FRMD6: variants seen among roughly 807,000 people sequenced by gnomAD.
The protein encoded by FRMD6 is FERM domain-containing protein 6.
In FRMD6, 37 loss-of-function variants were observed where a neutral mutation model predicts 73.2. The ratio of observed to expected loss-of-function variants is 0.51; its 90% confidence interval spans 0.39 to 0.66. FRMD6 has a LOEUF of 0.66. Ranked by LOEUF, FRMD6 falls within the 30% of genes least tolerant of loss-of-function variation. The pLI is 0.00. For missense variants in FRMD6, 714 were observed against 780.5 expected (o/e 0.91, Z 1.02); for synonymous variants, 273 against 282.2 (o/e 0.97, Z 0.33).
At chr14:51,636,744 C>T (rs1301864071) in intron 2 of FRMD6, among the ~76,000 whole-genome samples, 1 of 152,082 alleles carries the variant, frequency 6.6e-6, no homozygotes, top group Non-Finnish European at 1.5e-5. Context: ...CTTGTTTCCC[C>T]GGGGCCACGG....
At chr14:51,551,719 A>C (rs1418070692) in intron 1 of FRMD6, among the ~76,000 whole-genome samples, 1 of 152,158 alleles carries the variant, frequency 6.6e-6, no homozygotes, top group Non-Finnish European at 1.5e-5. Flanking sequence ...CCTGGGTGAC[A>C]AAATGAGACC....
chr14:51,456,487 T>G, the FRMD6 span, among the ~76,000 whole-genome samples: 285 of 152,256 alleles, frequency 1.9e-3, no homozygotes, highest in African/African-American at 6.3e-3. Context: ...GAACTCATCC[T>G]TTTTTTACAG....
intron 1 of FRMD6, among the ~76,000 whole-genome samples, chr14:51,490,478 T>C (rs765712303): frequency 6.6e-6 from 1 of 152,180 alleles, no homozygotes; most frequent in Non-Finnish European, 1.5e-5. Flanking sequence ...CATTTAAAAA[T>C]GCATCTCTGT....
intron 2 of FRMD6, among the ~76,000 whole-genome samples, chr14:51,597,234 A>G (rs148273099): frequency 1.2e-3 from 183 of 152,350 alleles, no homozygotes; most frequent in Non-Finnish European, 1.0e-3. Context: ...TGTTTAAAAA[A>G]ATGAAATATA....
chr14:51,509,710 T>C lies in FRMD6; in HGVS notation c.-210+20290T>C, dbSNP rs371099945. ...GGTGCGATCTCGGCTCACTACAACC[T>C]CCGCCTCCTGGGTTCAAGCGATTCT... On this transcript the variant is annotated intron_variant, in intron 1 of 14. Transcript: ENST00000356218. Among the ~76,000 whole-genome samples the C allele has an allele frequency of 1.3e-3, 195 of 151,860 alleles. 9 individuals are homozygous for C. The South Asian group carries it at 0.039, about 30-fold the overall frequency.
intron 2 of FRMD6, among the ~76,000 whole-genome samples, chr14:51,611,303 A>G (rs910394007): frequency 6.6e-6 from 1 of 152,220 alleles, no homozygotes; most frequent in Non-Finnish European, 1.5e-5. Flanking sequence ...AGTTCTCCCT[A>G]GTAGAAAGAA....
intron 2 of FRMD6, among the ~76,000 whole-genome samples, chr14:51,605,625 A>C (rs887406949): frequency 2.0e-5 from 3 of 152,146 alleles, no homozygotes; most frequent in African/African-American, 7.2e-5. Flanking sequence ...CACTTCAGGG[A>C]GGTGTCATGC....
At chr14:51,412,385 C>A in the FRMD6 span, among the ~76,000 whole-genome samples, 1 of 152,038 alleles carries the variant, frequency 6.6e-6, no homozygotes, top group Non-Finnish European at 1.5e-5. Context: ...GTTAATGATG[C>A]GCCCAGGAGA....
At chr14:51,716,750 C>T (rs1822798935) in intron 10 of FRMD6, among the ~76,000 whole-genome samples, 1 of 152,198 alleles carries the variant, frequency 6.6e-6, no homozygotes, top group African/African-American at 2.4e-5. Flanking sequence ...GCTAGACTGC[C>T]ACTTCTTCCC....
intron 2 of FRMD6, among the ~76,000 whole-genome samples, chr14:51,627,254 G>A (rs1891152515): frequency 6.6e-6 from 1 of 152,154 alleles, no homozygotes; most frequent in South Asian, 2.1e-4. Context: ...TATTCTTTGA[G>A]ATCCTAAACC....
At chr14:51,678,294 G>A (rs2140285025) in intron 1 of FRMD6, among the ~76,000 whole-genome samples, 1 of 152,276 alleles carries the variant, frequency 6.6e-6, no homozygotes, top group African/African-American at 2.4e-5. Flanking sequence ...TTTGGTACTT[G>A]CAACTTAGTG....
chr14:51,477,919 A>G, the FRMD6 span, among the ~76,000 whole-genome samples: 2 of 151,834 alleles, frequency 1.3e-5, no homozygotes, highest in Non-Finnish European at 2.9e-5. Context: ...TGTATTTTCA[A>G]TAGAGACAGG....
chr14:51,499,649 A>T (rs1184523712), intron 1 of FRMD6, among the ~76,000 whole-genome samples: 1 of 152,244 alleles, frequency 6.6e-6, no homozygotes, highest in Non-Finnish European at 1.5e-5. Flanking sequence ...GTCTACATAC[A>T]GGGAAAGCAA....
chr14:51,713,414 C>A, intron 9 of FRMD6, among the ~76,000 whole-genome samples: 1 of 148,252 alleles, frequency 6.7e-6, no homozygotes, highest in African/African-American at 2.5e-5. Flanking sequence ...GCCAAGACCG[C>A]ACCATTGCAC....
intron 1 of FRMD6, among the ~76,000 whole-genome samples, chr14:51,680,643 T>C (rs2140301078): frequency 6.6e-6 from 1 of 152,254 alleles, no homozygotes; most frequent in Admixed American, 6.5e-5. Flanking sequence ...ATTTAGCAGC[T>C]TTCTTTATTC....
intron 1 of FRMD6, among the ~76,000 whole-genome samples, chr14:51,515,750 A>G (rs1490601869): frequency 6.6e-6 from 1 of 152,196 alleles, no homozygotes; most frequent in African/African-American, 2.4e-5. Context: ...AAGGAGACCC[A>G]TCCGTTGGAC....
At chr14:51,545,793 A>G (rs931140885) in intron 1 of FRMD6, among the ~76,000 whole-genome samples, 4 of 152,132 alleles carry the variant, frequency 2.6e-5, no homozygotes, top group African/African-American at 9.7e-5. Context: ...TAAATCATCT[A>G]TGTCCTATGT....
At chr14:51,486,386 C>T (rs1424195503), upstream of FRMD6, among the ~76,000 whole-genome samples, 1 of 152,146 alleles carries the variant, frequency 6.6e-6, no homozygotes, top group Non-Finnish European at 1.5e-5. Flanking sequence ...GGAGGGCTAT[C>T]TAACTATTAA....
At chr14:51,451,251 T>C in the FRMD6 span, among the ~76,000 whole-genome samples, 1 of 152,216 alleles carries the variant, frequency 6.6e-6, no homozygotes, top group African/African-American at 2.4e-5. Flanking sequence ...CCAAATCTCA[T>C]GTTGAAATTT....
Sources: allele counts gnomAD v4.1 joint callset (sites outside exome capture counted in the v4.1 genomes callset), GRCh38; gene constraint gnomAD v4.1.1; transcripts MANE v1.5; gene names NCBI Gene and HGNC (gene_info 2026-07-23, HGNC 2026-07-21).